Variants in TRMT11 observed in about 807,000 individuals in gnomAD.
The protein encoded by TRMT11 is tRNA (guanine(10)-N(2))-methyltransferase TRMT11.
In TRMT11, 53 loss-of-function variants were observed where a neutral mutation model predicts 62.8. That is an observed-to-expected ratio of 0.84 (90% confidence interval 0.68 to 1.06). The LOEUF (loss-of-function observed/expected upper bound fraction) is 1.06. TRMT11 is among the 50% of genes least tolerant of loss of function. TRMT11 has a pLI of 0.00. For missense variants in TRMT11, 556 were observed against 553.4 expected, an observed-to-expected ratio of 1.00 and a Z score of -0.05; for synonymous variants, 188 against 190.3, an observed-to-expected ratio of 0.99 and a Z score of 0.10.
At chr6:126,151,927 C>CTTTCTTTCTTTCTTTG (rs1562334956) in intron 21 of TRMT11, among the ~76,000 whole-genome samples, 1 of 92,168 alleles carries the variant, frequency 1.1e-5, no homozygotes, top group African/African-American at 5.4e-5. Flanking sequence ...TTCTTTCTTT[C>CTTTCTTTCTTTCTTTG]TTTCTTTCTT....
downstream of TRMT11, among the ~76,000 whole-genome samples, chr6:126,208,315 T>C (rs1778808227): frequency 6.6e-6 from 1 of 152,202 alleles, no homozygotes; most frequent in South Asian, 2.1e-4. Flanking sequence ...CAGTTATTGA[T>C]ATTAACTGCT....
At chr6:126,227,184 C>T in the TRMT11 span, among the ~76,000 whole-genome samples, 1 of 152,198 alleles carries the variant, frequency 6.6e-6, no homozygotes, top group Admixed American at 6.5e-5. Flanking sequence ...GCTATAATAA[C>T]TAGCAAAACC....
chr6:126,109,624 T>C (rs772554434), intron 17 of TRMT11, among the ~76,000 whole-genome samples: 1 of 152,200 alleles, frequency 6.6e-6, no homozygotes, highest in Non-Finnish European at 1.5e-5. Flanking sequence ...TTCCTCAGAA[T>C]TGGGTTCAAA....
At chr6:126,252,263 C>A in the TRMT11 span, among the ~76,000 whole-genome samples, 1 of 152,184 alleles carries the variant, frequency 6.6e-6, no homozygotes, top group Non-Finnish European at 1.5e-5. Context: ...TGCTTGCCTC[C>A]CCTCACATGT....
upstream of TRMT11, among the ~76,000 whole-genome samples, chr6:126,174,497 C>A (rs1444249229): frequency 6.6e-6 from 1 of 152,174 alleles, no homozygotes; most frequent in Non-Finnish European, 1.5e-5. Context: ...CTTCTCTCAG[C>A]CTCAGGACCT....
At chr6:126,051,956 G>C (rs928121139) in intron 16 of TRMT11, among the ~76,000 whole-genome samples, 1 of 152,142 alleles carries the variant, frequency 6.6e-6, no homozygotes, top group African/African-American at 2.4e-5. Context: ...ACATTGTACA[G>C]CTCCAAGATT....
At chr6:126,194,148 A>G (rs533766553) in intron 1 of TRMT11, among the ~76,000 whole-genome samples, 2 of 152,238 alleles carry the variant, frequency 1.3e-5, no homozygotes, top group Non-Finnish European at 2.9e-5. Context: ...GTGGTCTGTA[A>G]ATGTATGTTA....
At chr6:126,134,639 T>G in intron 21 of TRMT11, among the ~76,000 whole-genome samples, 1 of 151,946 alleles carries the variant, frequency 6.6e-6, no homozygotes, top group Non-Finnish European at 1.5e-5. Context: ...GTAGATTAAA[T>G]GGACTTAACA....
At chr6:126,068,230 C>T (rs186685200) in intron 17 of TRMT11, among the ~76,000 whole-genome samples, 1 of 152,048 alleles carries the variant, frequency 6.6e-6, no homozygotes, top group Admixed American at 6.5e-5. Context: ...TGTATTATAG[C>T]TTTTTACTCA....
At chr6:126,064,142 G>A (rs991196347) in intron 17 of TRMT11, among the ~76,000 whole-genome samples, 1 of 151,982 alleles carries the variant, frequency 6.6e-6, no homozygotes, top group Non-Finnish European at 1.5e-5. Flanking sequence ...GGGGAGGGAG[G>A]GAGAAGATGG....
chr6:126,138,118 G>A (rs1303751067), intron 21 of TRMT11, among the ~76,000 whole-genome samples: 2 of 151,844 alleles, frequency 1.3e-5, no homozygotes, highest in Non-Finnish European at 2.9e-5. Flanking sequence ...GAATTATAAT[G>A]TTCCCATCAC....
chr6:126,028,399 T>TGA lies in TRMT11; in HGVS notation c.1260+7131_1260+7132dup, dbSNP rs747878549. ...CACCATCAAAGTTCATGTGTGTATC[T>TGA]GAGAGAGAGAGAGTCTTTTTAAAAA... is the stretch of plus-strand genomic sequence containing the variant. On this transcript the variant is annotated intron_variant, in intron 12 of 12. Transcript: ENST00000334379. Among the ~76,000 whole-genome samples, 1,145 of 152,022 alleles carry TGA rather than the reference T, an allele frequency of 7.5e-3. 14 individuals carry two copies. Among genetic ancestry groups the TGA allele is most frequent in the African/African-American group, 0.026 (1,094 of 41,456 alleles).
intron 11 of TRMT11, among the ~76,000 whole-genome samples, chr6:126,019,268 GATTA>G (rs761422126): frequency 2.6e-4 from 40 of 152,278 alleles, no homozygotes; most frequent in Non-Finnish European, 5.3e-4. Flanking sequence ...TAATATAATA[GATTA>G]ATTGTTAAAA....
At chr6:126,149,850 G>T (rs907828746) in intron 21 of TRMT11, among the ~76,000 whole-genome samples, 6 of 152,196 alleles carry the variant, frequency 3.9e-5, no homozygotes, top group African/African-American at 1.4e-4. Context: ...AGTGATTCAT[G>T]AATGTCTCTC....
intron 7 of TRMT11, among the ~76,000 whole-genome samples, chr6:126,002,128 G>A (rs1792598462): frequency 6.6e-6 from 1 of 151,966 alleles, no homozygotes. Context: ...GTTTCTTTTA[G>A]CAGGGAAATG....
intron 12 of TRMT11, among the ~76,000 whole-genome samples, chr6:126,031,571 G>A (rs1005635114): frequency 6.6e-6 from 1 of 152,178 alleles, no homozygotes; most frequent in East Asian, 1.9e-4. Context: ...TGGTTGGAAA[G>A]CCAAAAATTT....
chr6:126,219,020 T>G, the TRMT11 span, among the ~76,000 whole-genome samples: 1 of 152,154 alleles, frequency 6.6e-6, no homozygotes, highest in Admixed American at 6.5e-5. Flanking sequence ...ACAATTGTTA[T>G]GCTTTCCCTC....
intron 17 of TRMT11, among the ~76,000 whole-genome samples, chr6:126,093,951 C>T (rs1325293909): frequency 6.6e-6 from 1 of 152,034 alleles, no homozygotes. Context: ...CAGAGCTTTT[C>T]CACAGTATAA....
chr6:126,054,929 A>G (rs1295659233), intron 17 of TRMT11, among the ~76,000 whole-genome samples: 1 of 152,168 alleles, frequency 6.6e-6, no homozygotes. Flanking sequence ...TCTTACCAAG[A>G]GCAACCAGGC....
Sources: allele counts gnomAD v4.1 joint callset (sites outside exome capture counted in the v4.1 genomes callset), GRCh38; gene constraint gnomAD v4.1.1; transcripts MANE v1.5; gene names NCBI Gene and HGNC (gene_info 2026-07-23, HGNC 2026-07-21).